STK17B: variants seen among roughly 807,000 people sequenced by gnomAD.
STK17B encodes serine/threonine kinase 17b, also known as serine/threonine-protein kinase 17B.
Under a neutral mutation model 42.0 loss-of-function variants are expected in STK17B, and 21 were observed. That is an observed-to-expected ratio of 0.50 (90% CI 0.35 to 0.72). STK17B has a LOEUF of 0.72. Among genes scored for constraint, STK17B ranks in the 30% least tolerant of loss-of-function variants. The pLI is 0.00. For synonymous variants in STK17B, 143 were observed against 148.4 expected, an observed-to-expected ratio of 0.96 and a Z score of 0.26; for missense variants, 349 against 446.0, an observed-to-expected ratio of 0.78 and a Z score of 1.96.
At chr2:196,174,168 A>G (rs190567523), upstream of STK17B, 3 of 152,286 alleles carry the variant, frequency 2.0e-5, no homozygotes, top group East Asian at 1.9e-4. Context: ...AAGCAAACAA[A>G]TACAGTGGTC....
intron 1 of STK17B, 94 bp from the exon 2 acceptor site, chr2:196,163,521 T>TAA (rs368212420): frequency 9.4e-5 from 70 of 744,136 alleles, no homozygotes; most frequent in Non-Finnish European, 1.0e-4. Flanking sequence ...AAAATACAAC[T>TAA]AAAAAAAAAA....
In STK17B at chr2:196,137,494, C is replaced by T; in HGVS notation, c.1072G>A (p.Asp358Asn). The change falls in exon 8 of 8, where the codon GAC becomes AAC. Residue 358 changes from aspartate (D) to asparagine (N), a missense_variant. Physicochemically the swap from Asp to Asn is conservative, Grantham distance 23 (BLOSUM62 1). This residue lies in a region of STK17B where 87 missense variants were observed against 78.8 expected (regional missense o/e 1.10). Coordinates refer to ENST00000263955, the MANE Select transcript of STK17B (RefSeq NM_004226.4). ...AGTTCATGGGGATTGGGTAATGAGT[C>T]ATCGAAACGAAATCTTTTGGAAACC... ...SMVSKRFRFD[D>N]SLPNPHELVS... 6.2e-7 allele frequency: 1 copy of T among 1,614,058 alleles called. No homozygotes were observed. The highest frequency in any genetic ancestry group is 8.5e-7 in the Non-Finnish European group (1 of 1,179,998).
chr2:196,150,607 T>C (rs1221288743), intron 3 of STK17B, among the ~76,000 whole-genome samples: 1 of 152,216 alleles, frequency 6.6e-6, no homozygotes, highest in Non-Finnish European at 1.5e-5. Context: ...CTGTGAGTTA[T>C]AGAGAGCCAA....
chr2:196,142,792 C>T (rs1241947228), intron 5 of STK17B, among the ~76,000 whole-genome samples: 1 of 152,188 alleles, frequency 6.6e-6, no homozygotes, highest in African/African-American at 2.4e-5. Flanking sequence ...TTGGAAAAGA[C>T]AGCTGCCTAG....
intron 5 of STK17B, 26 bp downstream of exon 5, chr2:196,143,534 T>C: frequency 6.3e-7 from 1 of 1,578,524 alleles, no homozygotes; most frequent in Non-Finnish European, 8.6e-7. Context: ...TTCAAAATGG[T>C]ATAGAAAATA....
intron 3 of STK17B, among the ~76,000 whole-genome samples, chr2:196,148,017 C>T (rs1358840147): frequency 2.6e-5 from 4 of 152,068 alleles, no homozygotes; most frequent in East Asian, 1.9e-4. Context: ...TGTGAGCCAT[C>T]GTGCCTGGCC....
At chr2:196,144,895 C>T (rs934925359) in intron 4 of STK17B, among the ~76,000 whole-genome samples, 2 of 152,050 alleles carry the variant, frequency 1.3e-5, no homozygotes, top group African/African-American at 4.8e-5. Context: ...GAGCCTATTA[C>T]AGGAGAAAAG....
chr2:196,162,936 C>T (rs191691298), intron 2 of STK17B, among the ~76,000 whole-genome samples: 7 of 152,228 alleles, frequency 4.6e-5, no homozygotes, highest in Admixed American at 3.9e-4. Flanking sequence ...TGAAGTCACA[C>T]ACCTAGTAAC....
intron 4 of STK17B, among the ~76,000 whole-genome samples, chr2:196,144,486 C>CAAAAAAA (rs869118381): frequency 7.2e-5 from 4 of 55,934 alleles, no homozygotes; most frequent in Non-Finnish European, 1.0e-4. Context: ...GACTCTGTCT[C>CAAAAAAA]AAAAAAAAAA....
Sources: gnomAD v4.1 joint callset for allele counts (sites outside exome capture counted in the v4.1 genomes callset) on GRCh38, gnomAD v4.1.1 for gene constraint, gnomAD v4.1.1 regional missense constraint, MANE v1.5 for transcripts, NCBI Gene and HGNC (gene_info 2026-07-23, HGNC 2026-07-21) for gene names.